The following SNX25 variants were observed in gnomAD, a reference collection of about 807,000 sequenced individuals.
SNX25 encodes the protein sorting nexin-25.
Under a neutral mutation model 113.7 loss-of-function variants are expected in SNX25, and 62 were observed. The observed-to-expected ratio is 0.55, with a 90% CI of 0.44 to 0.67. The LOEUF (loss-of-function observed/expected upper bound fraction) is 0.67, where lower values mean the gene tolerates loss of function less well. SNX25 is among the 30% of genes least tolerant of loss of function. The pLI, the probability that SNX25 is intolerant of heterozygous loss-of-function variation, is 0.00. For synonymous variants in SNX25, 421 were observed against 436.2 expected, an observed-to-expected ratio of 0.97 and a Z score of 0.43; for missense variants, 1,014 against 1,161.0, an observed-to-expected ratio of 0.87 and a Z score of 1.84.
intron 14 of SNX25, among the ~76,000 whole-genome samples, chr4:185,352,305 C>A (rs1474231879): frequency 2.0e-5 from 3 of 152,180 alleles, no homozygotes; most frequent in Non-Finnish European, 4.4e-5. Context: ...TCCCCTCAGT[C>A]CATTGCCAAA....
At chr4:185,226,937 C>CCATT (rs1338061977) in intron 1 of SNX25, among the ~76,000 whole-genome samples, 2 of 152,102 alleles carry the variant, frequency 1.3e-5, no homozygotes, top group African/African-American at 4.8e-5. Flanking sequence ...AATACACAGT[C>CCATT]CAGAGAGAGG....
At chr4:185,377,593 C>T in the SNX25 span, 1 of 164,716 alleles carries the variant, frequency 6.1e-6, no homozygotes. Context: ...CAAGTAGAGC[C>T]CTAACAGTGC....
In SNX25 at chr4:185,343,089, C is replaced by T. The variant is rs201868829; in HGVS notation, c.2187+973C>T. 3.9e-5 allele frequency among the ~76,000 whole-genome samples: 6 copies of T among 152,204 alleles called. No individual in the cohort carries two copies. In the East Asian group the frequency reaches 7.7e-4, roughly 20 times the overall value. On this transcript the variant is annotated intron_variant, in intron 12 of 18. Coordinates refer to ENST00000652585, the MANE Select transcript of SNX25 (RefSeq NM_001378034.2). ...TATTTTTAGCAGAGACGGGGTTTCA[C>T]CATGTTGGCCAGGCTGGTCTCGAAC...
chr4:185,328,776 A>G (rs2095173931), intron 9 of SNX25, among the ~76,000 whole-genome samples: 2 of 152,210 alleles, frequency 1.3e-5, no homozygotes, highest in Admixed American at 1.3e-4. Flanking sequence ...CTTTAGCCCC[A>G]GGCGCTTCCT....
Position 185,287,845 on chromosome 4 carries a change from C to T in SNX25, c.1092-167C>T, listed in dbSNP as rs145707584. Among the ~76,000 whole-genome samples, 636 of 152,232 alleles carry T rather than the reference C, an allele frequency of 4.2e-3. 4 individuals are homozygous for T. The highest frequency in any genetic ancestry group is 6.9e-3 in the Admixed American group (106 of 15,284). On this transcript the variant is annotated intron_variant, in intron 5 of 18. Coordinates refer to ENST00000652585, the MANE Select transcript of SNX25 (RefSeq NM_001378034.2). The stretch of plus-strand genomic sequence containing the variant: ...AATGACTAGCGCGTGGCATGGGGCC[C>T]GGCCTATTGTAGATGCTCGGTCTAT...
intron 7 of SNX25, among the ~76,000 whole-genome samples, chr4:185,317,542 T>G (rs1297049072): frequency 6.6e-6 from 1 of 152,204 alleles, no homozygotes; most frequent in Non-Finnish European, 1.5e-5. Flanking sequence ...TACAGCACTA[T>G]TTACAATAGC....
chr4:185,360,378 A>C (rs1163500230), intron 16 of SNX25, among the ~76,000 whole-genome samples: 1 of 152,224 alleles, frequency 6.6e-6, no homozygotes, highest in Non-Finnish European at 1.5e-5. Context: ...AAAGTACTGG[A>C]CTTGAAACAT....
chr4:185,282,781 C>T (rs1750799663), intron 5 of SNX25, among the ~76,000 whole-genome samples: 1 of 152,162 alleles, frequency 6.6e-6, no homozygotes, highest in Non-Finnish European at 1.5e-5. Context: ...CATATACCAA[C>T]AATCTGTGCA....
the SNX25 span, among the ~76,000 whole-genome samples, chr4:185,375,312 C>G: frequency 6.7e-6 from 1 of 148,476 alleles, no homozygotes; most frequent in Non-Finnish European, 1.5e-5. Context: ...CAAAAATTAG[C>G]CAGGCGTGGT....
In SNX25 at chr4:185,222,454, T is replaced by C. The variant is rs987322913; in HGVS notation, c.429+12199T>C. 1.7e-4 allele frequency among the ~76,000 whole-genome samples: 26 copies of C among 149,692 alleles called. 1 individual carries two copies. Among genetic ancestry groups the C allele is most frequent in the Admixed American group, 1.1e-3 (16 of 15,068 alleles). ...AGCGCCCTATACCCCTCCCTCGCGG[T>C]AGGTATTCAGCACCCTATACCCCTC... On this transcript the variant is annotated intron_variant, in intron 1 of 18. Transcript: ENST00000652585.
chr4:185,322,014 C>A (rs2095123905), intron 8 of SNX25, among the ~76,000 whole-genome samples: 1 of 152,114 alleles, frequency 6.6e-6, no homozygotes, highest in African/African-American at 2.4e-5. Context: ...GATCTTAGAA[C>A]CAATCTTCCA....
At chr4:185,261,156 GTA>G (rs1272424632) in intron 3 of SNX25, among the ~76,000 whole-genome samples, 31 of 128,312 alleles carry the variant, frequency 2.4e-4, no homozygotes, top group South Asian at 8.0e-4. Context: ...GTGTGTGTGT[GTA>G]TGTATGTATA....
intron 1 of SNX25, among the ~76,000 whole-genome samples, chr4:185,246,977 C>A (rs776588414): frequency 1.3e-5 from 2 of 152,078 alleles, no homozygotes; most frequent in Non-Finnish European, 1.5e-5. Context: ...ATTTCAAATT[C>A]TTCTTAAGAA....
chr4:185,351,564 C>G lies in SNX25; in HGVS notation c.2421C>G (p.Ser807=). ...GGAAAAAAAATTCTTTTTCATTATC[C>G]TCATTTTTGGAAAGACTTCCTCGCG... ...VQGKKNSFSL[S]SFLERLPRDF... The change falls in exon 14 of 19, where the codon TCC becomes TCG. Residue 807 remains serine, a synonymous_variant. Coordinates refer to ENST00000652585, the MANE Select transcript of SNX25 (RefSeq NM_001378034.2). The G allele has an allele frequency of 6.2e-7, 1 of 1,614,120 alleles. No homozygotes were observed. Among genetic ancestry groups the G allele is most frequent in the South Asian group, 1.1e-5 (1 of 91,084 alleles).
intron 7 of SNX25, among the ~76,000 whole-genome samples, chr4:185,314,448 C>G (rs991678000): frequency 1.3e-5 from 2 of 151,996 alleles, no homozygotes; most frequent in Admixed American, 1.3e-4. Context: ...CTAACAGATG[C>G]TACATACATT....
At chr4:185,236,547 A>G (rs556238626) in intron 1 of SNX25, among the ~76,000 whole-genome samples, 2 of 152,190 alleles carry the variant, frequency 1.3e-5, no homozygotes, top group Non-Finnish European at 2.9e-5. Flanking sequence ...TAGAAAAAAA[A>G]GATGGAGACA....
intron 1 of SNX25, among the ~76,000 whole-genome samples, chr4:185,246,510 A>G (rs527327977): frequency 1.3e-5 from 2 of 152,136 alleles, no homozygotes; most frequent in South Asian, 2.1e-4. Flanking sequence ...TTTGTCATAC[A>G]TTTATTGGTC....
At chr4:185,303,391 G>A (rs1411953981) in intron 6 of SNX25, among the ~76,000 whole-genome samples, 1 of 152,184 alleles carries the variant, frequency 6.6e-6, no homozygotes, top group Non-Finnish European at 1.5e-5. Context: ...AGGGCGTGGT[G>A]GCTCACGCCT....
At chr4:185,243,336 AT>A (rs2126471663) in intron 1 of SNX25, among the ~76,000 whole-genome samples, 1 of 152,290 alleles carries the variant, frequency 6.6e-6, no homozygotes, top group African/African-American at 2.4e-5. Context: ...TCTGCTAGGC[AT>A]GGTGACTCAT....
Sources: allele counts gnomAD v4.1 joint callset (sites outside exome capture counted in the v4.1 genomes callset), GRCh38; gene constraint gnomAD v4.1.1; transcripts MANE v1.5; gene names NCBI Gene and HGNC (gene_info 2026-07-23, HGNC 2026-07-21).